COL21A1: variants seen among roughly 807,000 people sequenced by gnomAD.
The protein encoded by COL21A1 is collagen alpha-1(XXI) chain.
Under a neutral mutation model 137.9 loss-of-function variants are expected in COL21A1, and 149 were observed. The ratio of observed to expected loss-of-function variants is 1.08; its 90% CI spans 0.95 to 1.24. COL21A1 has a LOEUF of 1.24. COL21A1 is among the 50% of genes most tolerant of loss of function. The pLI is 0.00. For missense variants in COL21A1, 1,167 were observed against 1,158.4 expected, an observed-to-expected ratio of 1.01 and a Z score of -0.11; for synonymous variants, 456 against 391.5, an observed-to-expected ratio of 1.16 and a Z score of -1.95.
intron 1 of COL21A1, among the ~76,000 whole-genome samples, chr6:56,271,452 G>A (rs1352798830): frequency 6.6e-6 from 1 of 152,180 alleles, no homozygotes; most frequent in Non-Finnish European, 1.5e-5. Context: ...TTCACAAAGA[G>A]ATGACTTGAA....
intron 12 of COL21A1, among the ~76,000 whole-genome samples, chr6:56,141,190 A>C (rs1306175777): frequency 6.6e-6 from 1 of 152,168 alleles, no homozygotes; most frequent in Admixed American, 6.5e-5. Flanking sequence ...CCTAAACCTA[A>C]GTTCTGTCAA....
chr6:56,212,341 A>G (rs911891457), intron 1 of COL21A1, among the ~76,000 whole-genome samples: 1 of 152,048 alleles, frequency 6.6e-6, no homozygotes, highest in Non-Finnish European at 1.5e-5. Flanking sequence ...TCGGGAACAC[A>G]GCCCCCCACC....
At chr6:56,351,444 T>C (rs939898891) in intron 1 of COL21A1, among the ~76,000 whole-genome samples, 1 of 152,108 alleles carries the variant, frequency 6.6e-6, no homozygotes, top group Non-Finnish European at 1.5e-5. Flanking sequence ...CTAAAACTGT[T>C]AAGAAAATCC....
intron 1 of COL21A1, chr6:56,276,510 A>G (rs1763659304): frequency 9.1e-7 from 1 of 1,103,198 alleles, no homozygotes; most frequent in Admixed American, 1.9e-5. Context: ...AAAATAAACC[A>G]GAAAACACCT....
At chr6:56,121,731 G>A (rs1419001703) in intron 16 of COL21A1, among the ~76,000 whole-genome samples, 3 of 151,708 alleles carry the variant, frequency 2.0e-5, no homozygotes, top group Non-Finnish European at 4.4e-5. Context: ...CCTGTGTACA[G>A]GGTTGGGAAG....
At chr6:56,334,141 T>C (rs72873652) in intron 1 of COL21A1, among the ~76,000 whole-genome samples, 8,125 of 152,104 alleles carry the variant, frequency 0.053, 289 homozygotes, top group South Asian at 0.082. Context: ...CTCAACAGAA[T>C]TTGGGTCCTT....
intron 1 of COL21A1, among the ~76,000 whole-genome samples, chr6:56,202,929 C>T (rs1452792827): frequency 6.6e-6 from 1 of 152,134 alleles, no homozygotes; most frequent in African/African-American, 2.4e-5. Flanking sequence ...CCAGCAAATG[C>T]ACTGAAAACA....
intron 16 of COL21A1, among the ~76,000 whole-genome samples, chr6:56,111,736 T>G (rs930386039): frequency 6.0e-5 from 9 of 150,338 alleles, no homozygotes; most frequent in Non-Finnish European, 1.0e-4. Flanking sequence ...CAGCCATGCA[T>G]GGTGGCAGGT....
rs1766505564 is a variant in COL21A1, at chr6:56,069,046, CT to C, written c.2090del (p.Lys697ArgfsTer63). The C allele has an allele frequency of 2.1e-5, 33 of 1,597,966 alleles. No individual in the cohort carries two copies. The highest frequency in any genetic ancestry group is 3.4e-5 in the South Asian group (3 of 88,512). On this transcript the variant is annotated frameshift_variant and splice_region_variant, in exon 22 of 30. Transcript: ENST00000244728. LOFTEE classifies it high-confidence loss of function. ...YMGLPGIQGK[K>X]GDKGNQGEKG... ...ACTGTATCTCCTAACCAATGCATAC[CT>C]TTTTTCCTTGAATCCCGGGTAAACC...
At chr6:56,359,829 TG>T (rs1008520192) in intron 1 of COL21A1, among the ~76,000 whole-genome samples, 2 of 152,176 alleles carry the variant, frequency 1.3e-5, no homozygotes, top group African/African-American at 4.8e-5. Context: ...GGAGAATTGC[TG>T]GAGTCTCTGA....
At chr6:56,191,227 T>A (rs1778651344) in intron 1 of COL21A1, among the ~76,000 whole-genome samples, 1 of 152,156 alleles carries the variant, frequency 6.6e-6, no homozygotes, top group Admixed American at 6.5e-5. Flanking sequence ...GCCCAAAATC[T>A]TCTTAAGCTG....
chr6:56,275,617 G>T (rs187441132), intron 1 of COL21A1, among the ~76,000 whole-genome samples: 1 of 152,196 alleles, frequency 6.6e-6, no homozygotes, highest in African/African-American at 2.4e-5. Flanking sequence ...ATGAAAAAAA[G>T]ATGCTCAACA....
intron 16 of COL21A1, among the ~76,000 whole-genome samples, chr6:56,109,182 G>A (rs1238301149): frequency 1.3e-5 from 2 of 150,960 alleles, no homozygotes; most frequent in African/African-American, 4.9e-5. Flanking sequence ...TAGGAAAAAA[G>A]AATAAAGAAA....
At chr6:56,338,056 G>T (rs1047570953) in intron 1 of COL21A1, among the ~76,000 whole-genome samples, 2 of 147,854 alleles carry the variant, frequency 1.4e-5, no homozygotes, top group Non-Finnish European at 3.0e-5. Flanking sequence ...TCCGCCTCCC[G>T]GGTTCAAGCG....
At chr6:56,261,300 T>C (rs1208198605) in intron 1 of COL21A1, among the ~76,000 whole-genome samples, 1 of 146,160 alleles carries the variant, frequency 6.8e-6, no homozygotes, top group Non-Finnish European at 1.6e-5. Flanking sequence ...AAGCTAACAT[T>C]ATAGTCAGAT....
In COL21A1 at chr6:56,069,123, T is replaced by C. The variant is rs1766516560; in HGVS notation, c.2020-6A>G. Reference sequence around the variant, plus strand: ...CCCGTTGCTCCTGGTTCTCCCTATGTAACACAGAAATTCCAGAAAGATCAC... The same window carrying C: ...CCCGTTGCTCCTGGTTCTCCCTATGCAACACAGAAATTCCAGAAAGATCAC... On this transcript the variant is annotated splice_polypyrimidine_tract_variant and splice_region_variant and intron_variant, in intron 21 of 29. Coordinates refer to ENST00000244728, the MANE Select transcript of COL21A1 (RefSeq NM_030820.4). 1 of 1,587,286 alleles carries C rather than the reference T, an allele frequency of 6.3e-7. No homozygotes were observed. Among genetic ancestry groups the C allele is most frequent in the African/African-American group, 1.4e-5 (1 of 73,810 alleles).
Position 56,181,383 on chromosome 6 carries a change from T to C in COL21A1, c.88+1148A>G, listed in dbSNP as rs1008770163. Among the ~76,000 whole-genome samples, 3 of 148,748 alleles carry C rather than the reference T, an allele frequency of 2.0e-5. No individual in the cohort carries two copies. In the South Asian group the frequency reaches 6.3e-4, roughly 31 times the overall value. On this transcript the variant is annotated intron_variant, in intron 2 of 29. Transcript: ENST00000244728. The stretch of plus-strand genomic sequence containing the variant: ...CTAGGATTAAAGGGTTATGCTTTTA[T>C]TGTTTTTTGTTTTTTGTTTTTTTTT...
intron 10 of COL21A1, among the ~76,000 whole-genome samples, chr6:56,146,218 G>A (rs1372169924): frequency 3.3e-5 from 5 of 152,066 alleles, no homozygotes; most frequent in Non-Finnish European, 7.4e-5. Context: ...GTAAGAATGT[G>A]ATTTAAAGTT....
intron 1 of COL21A1, among the ~76,000 whole-genome samples, chr6:56,218,346 C>T (rs1780616461): frequency 6.6e-6 from 1 of 151,452 alleles, no homozygotes; most frequent in Admixed American, 6.6e-5. Flanking sequence ...AGTTGTTAGC[C>T]ATATCATTGT....
Sources: allele counts gnomAD v4.1 joint callset (sites outside exome capture counted in the v4.1 genomes callset), GRCh38; gene constraint gnomAD v4.1.1; transcripts MANE v1.5; gene names NCBI Gene and HGNC (gene_info 2026-07-23, HGNC 2026-07-21).